The following PPP1R12B variants were observed in gnomAD, a reference collection of about 807,000 sequenced individuals.
The protein encoded by PPP1R12B is myosin phosphatase target subunit 2.
In PPP1R12B, 76 loss-of-function variants were observed where a neutral mutation model predicts 126.1. The ratio of observed to expected loss-of-function variants is 0.60; its 90% CI spans 0.50 to 0.73. PPP1R12B has a LOEUF of 0.73. Ranked by LOEUF, PPP1R12B falls within the 30% of genes least tolerant of loss-of-function variation. PPP1R12B has a pLI of 0.00. For synonymous variants in PPP1R12B, 356 were observed against 434.7 expected, an observed-to-expected ratio of 0.82 and a Z score of 2.25; for missense variants, 1,052 against 1,205.1, an observed-to-expected ratio of 0.87 and a Z score of 1.88.
At chr1:202,460,005 T>C (rs915366443) in intron 13 of PPP1R12B, among the ~76,000 whole-genome samples, 20 of 152,344 alleles carry the variant, frequency 1.3e-4, no homozygotes, top group Non-Finnish European at 2.1e-4. Flanking sequence ...GCTGTCACAA[T>C]AGGGTAGTGG....
At chr1:202,481,302 C>T (rs1025622124) in intron 13 of PPP1R12B, among the ~76,000 whole-genome samples, 1 of 152,108 alleles carries the variant, frequency 6.6e-6, no homozygotes, top group Non-Finnish European at 1.5e-5. Flanking sequence ...GGTGTAGCAT[C>T]AAAGAAAAAT....
intron 18 of PPP1R12B, among the ~76,000 whole-genome samples, chr1:202,522,490 AAG>A (rs1256703710): frequency 6.6e-6 from 1 of 152,052 alleles, no homozygotes; most frequent in East Asian, 1.9e-4. Flanking sequence ...CAGTAGGGGA[AAG>A]AGAAAAGATA....
chr1:202,582,131 C>T lies in PPP1R12B; in HGVS notation c.*1571C>T, dbSNP rs1043557421. ...AGATCTACTATCTGCAACTCTTTAA[C>T]GGCACTTGAGATATGTGCAGTGGGT... On this transcript the variant is annotated 3_prime_UTR_variant, in exon 24 of 24. Coordinates refer to ENST00000608999, the MANE Select transcript of PPP1R12B (RefSeq NM_002481.4). 2 of 152,176 alleles carry T rather than the reference C, an allele frequency of 1.3e-5. No individual in the cohort carries two copies. Among genetic ancestry groups the T allele is most frequent in the African/African-American group, 4.8e-5 (2 of 41,442 alleles). The allele number at this position is 152,176 out of a possible 1,614,324, so 9.4% of individuals were successfully genotyped here.
intron 18 of PPP1R12B, among the ~76,000 whole-genome samples, chr1:202,504,306 T>C (rs1289476927): frequency 1.3e-5 from 2 of 152,010 alleles, no homozygotes; most frequent in African/African-American, 4.8e-5. Context: ...GGCATGAGAA[T>C]CGCTTGAACC....
chr1:202,441,846 AAC>A (rs1671658993), intron 11 of PPP1R12B, among the ~76,000 whole-genome samples: 1 of 151,526 alleles, frequency 6.6e-6, no homozygotes, highest in Non-Finnish European at 1.5e-5. Context: ...GACTGATTGC[AAC>A]ACACTTTTTT....
chr1:202,465,739 A>G (rs1319978624), intron 13 of PPP1R12B, among the ~76,000 whole-genome samples: 1 of 152,224 alleles, frequency 6.6e-6, no homozygotes, highest in Non-Finnish European at 1.5e-5. Context: ...CTCTTAAATA[A>G]TACTGGATAG....
rs932847614 is a variant in PPP1R12B at position 202,584,246 on chromosome 1, C to A, written c.*3686C>A. The A allele has an allele frequency of 6.6e-6, 1 of 152,216 alleles. No homozygotes were observed. Among genetic ancestry groups the A allele is most frequent in the Admixed American group, 6.5e-5 (1 of 15,282 alleles). 9.4% of individuals were successfully genotyped at this position (152,216 alleles called of 1,614,324 possible). A position where few individuals can be genotyped will look rare whatever the true frequency, so the allele number is the denominator to read the frequency against. On this transcript the variant is annotated 3_prime_UTR_variant, in exon 24 of 24. Coordinates refer to ENST00000608999, the MANE Select transcript of PPP1R12B (RefSeq NM_002481.4). ...TTCTCTTCTGGGCTTCCCCTGGTTT[C>A]TGTCCTAGTTCCCACCCCAAGTTTA...
chr1:202,409,485 C>G (rs2148592467), intron 1 of PPP1R12B, among the ~76,000 whole-genome samples: 1 of 151,844 alleles, frequency 6.6e-6, no homozygotes, highest in Non-Finnish European at 1.5e-5. Context: ...CCACGCCCAG[C>G]TAATTTTTTG....
At position 202,448,998 on chromosome 1, in the gene PPP1R12B, C is replaced by G. The variant is rs765143848; in HGVS notation, c.1677C>G (p.His559Gln). ...TCTTTTTAAATTTCAGGACTCCTCA[C>G]AAATCCCAGGCCGACACAACAGCAG... ...YVSTYLKRTPHKSQADTTAEK... is the reference protein window; with the variant it reads ...YVSTYLKRTPQKSQADTTAEK... Residue 559 changes from histidine to glutamine, a missense_variant, in exon 13 of 24, where the codon CAC becomes CAG. Coordinates refer to ENST00000608999, the MANE Select transcript of PPP1R12B (RefSeq NM_002481.4). 1 of 1,613,734 alleles carries G rather than the reference C, an allele frequency of 6.2e-7. No homozygotes were observed. Among genetic ancestry groups the G allele is most frequent in the African/African-American group, 1.3e-5 (1 of 74,886 alleles).
intron 20 of PPP1R12B, among the ~76,000 whole-genome samples, chr1:202,563,399 G>A (rs1687725037): frequency 6.6e-6 from 1 of 152,086 alleles, no homozygotes; most frequent in Non-Finnish European, 1.5e-5. Context: ...TTACAGACGT[G>A]AGCCACCATG....
In PPP1R12B at chr1:202,377,832, G is replaced by GTTTTT. The variant is rs74860606; in HGVS notation, c.291+28713_291+28717dup. On this transcript the variant is annotated intron_variant, in intron 1 of 23. Transcript: ENST00000608999. The stretch of plus-strand genomic sequence containing the variant: ...GGAGAAAGAAAGGTCAAAGACAGGT[G>GTTTTT]TTTTTTTTTTTTTTTTTTTTTTTTT... Among the ~76,000 whole-genome samples, 450 of 97,236 alleles carry GTTTTT rather than the reference G, an allele frequency of 4.6e-3. 97 individuals carry two copies. Among genetic ancestry groups the GTTTTT allele is most frequent in the African/African-American group, 0.02 (396 of 20,116 alleles). 63.8% of individuals were successfully genotyped at this position (97,236 alleles called of 152,430 possible).
chr1:202,381,397 G>GATGTGTGTGTAT (rs1553268836), intron 1 of PPP1R12B, among the ~76,000 whole-genome samples: 2 of 23,282 alleles, frequency 8.6e-5, no homozygotes, highest in Non-Finnish European at 2.2e-4. Flanking sequence ...TGAGCTTTGG[G>GATGTGTGTGTAT]GTGTGTGTGT....
rs776732001 is a variant in PPP1R12B at position 202,434,760 on chromosome 1, G to T, written c.1246G>T (p.Ala416Ser). The T allele has an allele frequency of 6.2e-7, 1 of 1,613,676 alleles. No individual in the cohort carries two copies. The highest frequency in any genetic ancestry group is 8.5e-7 in the Non-Finnish European group (1 of 1,179,888). Residue 416 changes from alanine to serine, a missense_variant, in exon 9 of 24, where the codon GCT (alanine) becomes TCT (serine). Physicochemically the swap from Ala to Ser is moderately conservative, Grantham distance 99. Transcript: ENST00000608999. ...PAQNTFSASS[A>S]RRFSSGLFNK... Reference sequence around the variant, plus strand: ...TCAAAATACCTTCTCTGCCTCTTCTGCTAGGAGGGTGAGTACTTTTTACTT... The same window carrying T: ...TCAAAATACCTTCTCTGCCTCTTCTTCTAGGAGGGTGAGTACTTTTTACTT...
intron 13 of PPP1R12B, among the ~76,000 whole-genome samples, chr1:202,472,316 G>A (rs1434586937): frequency 6.6e-6 from 1 of 152,008 alleles, no homozygotes; most frequent in Non-Finnish European, 1.5e-5. Context: ...CATTTTGTGT[G>A]TTTAGTTTCT....
intron 11 of PPP1R12B, among the ~76,000 whole-genome samples, chr1:202,442,227 G>T (rs554853591): frequency 6.4e-4 from 97 of 152,266 alleles, no homozygotes; most frequent in African/African-American, 2.1e-3. Flanking sequence ...GAGGAATTTG[G>T]TACCTGTTGA....
At chr1:202,356,060 G>GC (rs1657038306) in intron 1 of PPP1R12B, among the ~76,000 whole-genome samples, 1 of 151,970 alleles carries the variant, frequency 6.6e-6, no homozygotes, top group Non-Finnish European at 1.5e-5. Context: ...GCAAACATGT[G>GC]GTCCCAGTTA....
chr1:202,442,696 G>T, intron 12 of PPP1R12B, 124 bp downstream of exon 12: 3 of 1,083,608 alleles, frequency 2.8e-6, no homozygotes, highest in South Asian at 2.4e-5. Context: ...ATTACTTTCA[G>T]GTTTCTTAGA....
Position 202,417,625 on chromosome 1 carries a change from C to T in PPP1R12B, c.422+708C>T, listed in dbSNP as rs186102242. On this transcript the variant is annotated intron_variant, in intron 2 of 23. Coordinates refer to ENST00000608999, the MANE Select transcript of PPP1R12B (RefSeq NM_002481.4). ...AAGGAAACATCTTTGAAATGGCAGT[C>T]GAAACATCTTTAAAATGAGGCAGTT... Among the ~76,000 whole-genome samples the T allele has an allele frequency of 2.3e-3, 344 of 152,066 alleles. 1 individual carries two copies. Among genetic ancestry groups the T allele is most frequent in the African/African-American group, 7.7e-3 (321 of 41,456 alleles).
intron 18 of PPP1R12B, among the ~76,000 whole-genome samples, chr1:202,515,295 A>T (rs1271407476): frequency 8.4e-6 from 1 of 119,038 alleles, no homozygotes; most frequent in Non-Finnish European, 1.9e-5. Flanking sequence ...CTAAAATAAA[A>T]GTGTTTGTTT....
Sources: allele counts gnomAD v4.1 joint callset (sites outside exome capture counted in the v4.1 genomes callset), GRCh38; gene constraint gnomAD v4.1.1; transcripts MANE v1.5; gene names NCBI Gene and HGNC (gene_info 2026-07-23, HGNC 2026-07-21).